Variants in PTPN13 observed in about 807,000 individuals in gnomAD.
PTPN13 encodes the protein protein tyrosine phosphatase non-receptor type 13.
In PTPN13, 191 loss-of-function variants were observed where a neutral mutation model predicts 284.0. The ratio of observed to expected loss-of-function variants is 0.67; its 90% CI spans 0.60 to 0.76. The LOEUF (loss-of-function observed/expected upper bound fraction) is 0.76, where lower values mean the gene tolerates loss of function less well. PTPN13 is among the 30% of genes least tolerant of loss of function. The pLI, the probability that PTPN13 is intolerant of heterozygous loss-of-function variation, is 0.00. For missense variants in PTPN13, 2,797 were observed against 2,939.9 expected (o/e 0.95, Z 1.12); for synonymous variants, 986 against 1,022.3 (o/e 0.96, Z 0.68).
intron 3 of PTPN13, among the ~76,000 whole-genome samples, chr4:86,676,625 C>CA (rs2148908453): frequency 6.6e-6 from 1 of 152,120 alleles, no homozygotes; most frequent in East Asian, 1.9e-4. Context: ...TGTTCATTGG[C>CA]AGATGAATGG....
intron 2 of PTPN13, 44 bp from the exon 3 acceptor site, chr4:86,672,321 T>C: frequency 6.9e-7 from 1 of 1,452,394 alleles, no homozygotes; most frequent in Non-Finnish European, 9.2e-7. Context: ...TAAGCAATTT[T>C]CTTCTTTTTT....
chr4:86,712,724 T>C (rs2149053651), intron 7 of PTPN13, among the ~76,000 whole-genome samples: 1 of 152,030 alleles, frequency 6.6e-6, no homozygotes, highest in East Asian at 1.9e-4. Flanking sequence ...TCCCCGAAGG[T>C]GTATTACTGA....
At chr4:86,694,928 C>G (rs571190460) in intron 6 of PTPN13, among the ~76,000 whole-genome samples, 40 of 151,868 alleles carry the variant, frequency 2.6e-4, no homozygotes, top group African/African-American at 9.6e-4. Context: ...TTAATCAGAG[C>G]ATCAGAGAAA....
chr4:86,739,209 TG>T (rs1366096743), intron 15 of PTPN13, among the ~76,000 whole-genome samples: 2 of 152,178 alleles, frequency 1.3e-5, no homozygotes, highest in East Asian at 3.9e-4. Flanking sequence ...TTTTAGCATG[TG>T]GATATACAGT....
intron 40 of PTPN13, among the ~76,000 whole-genome samples, chr4:86,787,592 CAA>C (rs71657586): frequency 7.7e-6 from 1 of 130,626 alleles, no homozygotes. Flanking sequence ...GATTCTGTCT[CAA>C]AAAAAAAAAA....
chr4:86,659,689 G>A (rs1430267603), intron 2 of PTPN13, among the ~76,000 whole-genome samples: 1 of 151,964 alleles, frequency 6.6e-6, no homozygotes, highest in Non-Finnish European at 1.5e-5. Context: ...GGTGGTGCAC[G>A]CCTGTAGTCC....
chr4:86,615,818 G>A (rs1658058713), intron 1 of PTPN13, among the ~76,000 whole-genome samples: 1 of 152,134 alleles, frequency 6.6e-6, no homozygotes, highest in East Asian at 1.9e-4. Flanking sequence ...GATGGCAAAT[G>A]TTTTAACATT....
chr4:86,682,655 A>G (rs926016669), intron 3 of PTPN13, among the ~76,000 whole-genome samples: 1 of 152,064 alleles, frequency 6.6e-6, no homozygotes, highest in African/African-American at 2.4e-5. Context: ...TAACCCATCT[A>G]TTGCTGCTAT....
At chr4:86,674,729 G>T (rs952587372) in intron 3 of PTPN13, among the ~76,000 whole-genome samples, 2 of 152,120 alleles carry the variant, frequency 1.3e-5, no homozygotes, top group Non-Finnish European at 2.9e-5. Context: ...TATTTGAAAA[G>T]AATTTTTTGT....
intron 10 of PTPN13, among the ~76,000 whole-genome samples, chr4:86,728,571 G>GCCTT (rs1178842714): frequency 7.0e-6 from 1 of 143,736 alleles, no homozygotes; most frequent in Non-Finnish European, 1.5e-5. Flanking sequence ...TTATGTAATG[G>GCCTT]CCTTCTTTGT....
intron 3 of PTPN13, among the ~76,000 whole-genome samples, chr4:86,676,873 G>A (rs1363158655): frequency 6.6e-6 from 1 of 152,158 alleles, no homozygotes; most frequent in Non-Finnish European, 1.5e-5. Context: ...AGGGTAGAGG[G>A]AAGAATTAGT....
chr4:86,764,556 T>C (rs1034985425), intron 24 of PTPN13, 37 bp from the exon 25 acceptor site: 3 of 1,345,878 alleles, frequency 2.2e-6, no homozygotes, highest in Admixed American at 3.6e-5. Context: ...TCATTTTGAC[T>C]CTAACAAGAA....
intron 2 of PTPN13, among the ~76,000 whole-genome samples, chr4:86,667,053 A>G (rs748265443): frequency 1.3e-5 from 2 of 152,200 alleles, no homozygotes; most frequent in Non-Finnish European, 2.9e-5. Flanking sequence ...CTTTTCATTA[A>G]AGGAATACCT....
chr4:86,759,235 G>C (rs1185143648), intron 23 of PTPN13, among the ~76,000 whole-genome samples, 162 bp downstream of exon 23: 1 of 152,098 alleles, frequency 6.6e-6, no homozygotes. Flanking sequence ...TCAAATCAGA[G>C]ATAGAGTCAT....
chr4:86,657,840 A>C (rs775819859), intron 2 of PTPN13, among the ~76,000 whole-genome samples: 17 of 152,310 alleles, frequency 1.1e-4, no homozygotes, highest in South Asian at 4.1e-4. Flanking sequence ...GTTGCAAGAC[A>C]AAGTCCTCTG....
In PTPN13 at chr4:86,759,277, T is replaced by C. The variant is rs532894891; in HGVS notation, c.3553+204T>C. 2.0e-5 allele frequency among the ~76,000 whole-genome samples: 3 copies of C among 152,242 alleles called. No homozygotes were observed. The East Asian group carries it at 5.8e-4, about 29-fold the overall frequency. ...TTGTGTAGTTAATATTACATAATAGTTATATATAAAGTCCTGTCCTGAACC... is the reference window on the plus strand; with the variant it reads ...TTGTGTAGTTAATATTACATAATAGCTATATATAAAGTCCTGTCCTGAACC... On this transcript the variant is annotated intron_variant, in intron 23 of 47. Coordinates refer to ENST00000411767, the MANE Select transcript of PTPN13 (RefSeq NM_080683.3).
In PTPN13 at chr4:86,769,836, T is replaced by A. The variant is rs549246563; in HGVS notation, c.4557T>A (p.Asp1519Glu). The change falls in exon 29 of 48, where the codon GAT becomes GAA. Residue 1519 changes from aspartate to glutamate, a missense_variant. Coordinates refer to ENST00000411767, the MANE Select transcript of PTPN13 (RefSeq NM_080683.3). ...SGLGFSFSRE[D>E]NLIPEQINAS... ...TAGGATTCAGTTTTTCTCGAGAAGA[T>A]AATCTTATACCGGAGCAAATTAATG... The A allele has an allele frequency of 6.2e-7, 1 of 1,613,736 alleles. No homozygotes were observed. The highest frequency in any genetic ancestry group is 2.2e-5 in the East Asian group (1 of 44,882).
intron 2 of PTPN13, among the ~76,000 whole-genome samples, chr4:86,646,192 AT>A (rs1724398869): frequency 6.6e-6 from 1 of 152,036 alleles, no homozygotes; most frequent in African/African-American, 2.4e-5. Context: ...AAAAAAAAAG[AT>A]ACAGTGGACT....
Position 86,711,098 on chromosome 4 carries a change from C to CTTTTTTTTTTTTTTTTTT in PTPN13, c.1196-5430_1196-5413dup, listed in dbSNP as rs58186398. Among the ~76,000 whole-genome samples, 24 of 97,098 alleles carry CTTTTTTTTTTTTTTTTTT rather than the reference C, an allele frequency of 2.5e-4. 2 individuals carry two copies. Among genetic ancestry groups the CTTTTTTTTTTTTTTTTTT allele is most frequent in the African/African-American group, 3.9e-4 (10 of 25,806 alleles). 63.7% of individuals were successfully genotyped at this position (97,098 alleles called of 152,430 possible). On this transcript the variant is annotated intron_variant, in intron 7 of 47. Coordinates refer to ENST00000411767, the MANE Select transcript of PTPN13 (RefSeq NM_080683.3). ...GCCACCACACCTGGTTAATTATTGC[C>CTTTTTTTTTTTTTTTTTT]TTTTTTTTTTTTTTTTTTTGGAGAG... is the stretch of plus-strand genomic sequence containing the variant.
Sources: allele counts gnomAD v4.1 joint callset (sites outside exome capture counted in the v4.1 genomes callset), GRCh38; gene constraint gnomAD v4.1.1; transcripts MANE v1.5; gene names NCBI Gene and HGNC (gene_info 2026-07-23, HGNC 2026-07-21).